The following FAM81A variants were observed in gnomAD, a reference collection of about 807,000 sequenced individuals.
FAM81A encodes family with sequence similarity 81 member A, also known as protein FAM81A.
FAM81A carries 19 observed loss-of-function variants against 46.7 expected under a neutral mutation model. The observed-to-expected ratio is 0.41, with a 90% CI of 0.28 to 0.60. The LOEUF is 0.60. Ranked by LOEUF, FAM81A falls within the 20% of genes least tolerant of loss-of-function variation. The probability of loss-of-function intolerance (pLI) is 0.34; values close to 1 mark genes in which losing one functional copy is unlikely to be tolerated. For synonymous variants in FAM81A, 183 were observed against 152.9 expected (o/e 1.20, Z -1.45); for missense variants, 377 against 453.5 (o/e 0.83, Z 1.53).
At chr15:59,500,675 C>G (rs911974921) in intron 4 of FAM81A, among the ~76,000 whole-genome samples, 3 of 150,788 alleles carry the variant, frequency 2.0e-5, no homozygotes, top group Non-Finnish European at 3.0e-5. Flanking sequence ...TTTGGAGACT[C>G]TCTTCATTTT....
chr15:59,515,981 A>G (rs1302698654), intron 7 of FAM81A, among the ~76,000 whole-genome samples: 1 of 152,206 alleles, frequency 6.6e-6, no homozygotes, highest in African/African-American at 2.4e-5. Context: ...TCATAATTCA[A>G]TATAGCTGCT....
chr15:59,492,086 T>G (rs1304016005), intron 3 of FAM81A, among the ~76,000 whole-genome samples, 185 bp from the exon 4 acceptor site: 5 of 152,232 alleles, frequency 3.3e-5, no homozygotes, highest in African/African-American at 1.2e-4. Context: ...GGGAGGAGCC[T>G]CTAAGGTCTC....
At position 59,448,069 on chromosome 15, in the gene FAM81A, T is replaced by C. The variant is rs371369021; in HGVS notation, c.-78+9787T>C. On this transcript the variant is annotated intron_variant, in intron 1 of 8. Coordinates refer to ENST00000288228, the MANE Select transcript of FAM81A (RefSeq NM_152450.3). Reference sequence around the variant, plus strand: ...GTAATGGTGGCAGTGGTAGTGGTAGTAGATAACTTCAACATTTGCAGGGTT... The same window carrying C: ...GTAATGGTGGCAGTGGTAGTGGTAGCAGATAACTTCAACATTTGCAGGGTT... 5.3e-5 allele frequency among the ~76,000 whole-genome samples: 8 copies of C among 152,206 alleles called. No individual in the cohort carries two copies. In the East Asian group the frequency reaches 1.5e-3, roughly 29 times the overall value.
intron 3 of FAM81A, among the ~76,000 whole-genome samples, chr15:59,474,433 A>G (rs1485393986): frequency 6.6e-6 from 1 of 152,212 alleles, no homozygotes; most frequent in Non-Finnish European, 1.5e-5. Flanking sequence ...TGGAAGGGCA[A>G]GAATGATGAA....
intron 4 of FAM81A, among the ~76,000 whole-genome samples, chr15:59,506,337 C>T (rs2082148569): frequency 2.0e-5 from 3 of 152,066 alleles, no homozygotes; most frequent in African/African-American, 7.2e-5. Context: ...AGAGTTGGTG[C>T]AGTAGCAGGA....
chr15:59,438,106 C>T (rs1323823263), upstream of FAM81A: 1 of 146,366 alleles, frequency 6.8e-6, no homozygotes, highest in Non-Finnish European at 1.5e-5. Flanking sequence ...CCCCCGGGAG[C>T]CGCGAACCCG....
chr15:59,477,580 T>C (rs1176976029), intron 3 of FAM81A, among the ~76,000 whole-genome samples: 3 of 152,344 alleles, frequency 2.0e-5, no homozygotes, highest in African/African-American at 4.8e-5. Flanking sequence ...AAGTAAAATA[T>C]GTTTTCAAAC....
intron 3 of FAM81A, among the ~76,000 whole-genome samples, chr15:59,487,952 A>C (rs1260405933): frequency 2.6e-4 from 40 of 151,492 alleles, no homozygotes; most frequent in African/African-American, 9.5e-4. Context: ...ACAAAAACAA[A>C]AACAACAACA....
intron 6 of FAM81A, among the ~76,000 whole-genome samples, chr15:59,513,445 C>G (rs570103637): frequency 3.3e-5 from 5 of 152,296 alleles, no homozygotes; most frequent in East Asian, 3.9e-4. Context: ...GCTGGCCCAG[C>G]TCTGTGTCGC....
In FAM81A at chr15:59,521,623, TG is replaced by T. The variant is rs779811470; in HGVS notation, c.*247del. ...TAAATTCAATGGAAATCCCCCGCCC[TG>T]GATTTTGAAAGGCTTTTATCTTCTT... is the stretch of plus-strand genomic sequence containing the variant. On this transcript the variant is annotated 3_prime_UTR_variant, in exon 9 of 9. Coordinates refer to ENST00000288228, the MANE Select transcript of FAM81A (RefSeq NM_152450.3). 151 of 364,752 alleles carry T rather than the reference TG, an allele frequency of 4.1e-4. 1 individual carries two copies. Among genetic ancestry groups the T allele is most frequent in the Non-Finnish European group, 6.7e-4 (142 of 212,750 alleles). The allele number at this position is 364,752 out of a possible 1,614,324, so 22.6% of individuals were successfully genotyped here.
chr15:59,491,944 C>T (rs550669823), intron 3 of FAM81A, among the ~76,000 whole-genome samples: 34 of 148,036 alleles, frequency 2.3e-4, no homozygotes, highest in African/African-American at 8.3e-4. Flanking sequence ...CCAGCCTGGG[C>T]AACAGAGCAA....
chr15:59,468,617 T>C lies in FAM81A; in HGVS notation c.294+8411T>C, dbSNP rs184293798. On this transcript the variant is annotated intron_variant, in intron 3 of 8. Coordinates refer to ENST00000288228, the MANE Select transcript of FAM81A (RefSeq NM_152450.3). ...TCTCTCTTTTCTTCTTTATTAGTCT[T>C]GCTAGCAGTCTATCAATTTTGTTGA... 1.4e-4 allele frequency among the ~76,000 whole-genome samples: 22 copies of C among 151,976 alleles called. 1 individual carries two copies. In the East Asian group the frequency reaches 3.7e-3, roughly 25 times the overall value.
chr15:59,445,345 C>T (rs1411672606), intron 1 of FAM81A: 1 of 152,118 alleles, frequency 6.6e-6, no homozygotes, highest in African/African-American at 2.4e-5. Context: ...GGGTTGCTTT[C>T]GCATTATGGA....
chr15:59,519,626 T>C (rs2082307310), intron 8 of FAM81A, among the ~76,000 whole-genome samples: 1 of 151,498 alleles, frequency 6.6e-6, no homozygotes, highest in Non-Finnish European at 1.5e-5. Flanking sequence ...TCCTTCCTTT[T>C]CTTTTTTTAG....
chr15:59,467,305 C>T (rs1327122024), intron 3 of FAM81A, among the ~76,000 whole-genome samples: 12 of 152,114 alleles, frequency 7.9e-5, no homozygotes, highest in Non-Finnish European at 1.2e-4. Flanking sequence ...AGCAGTATGG[C>T]CATTTTCACG....
chr15:59,425,209 C>T (rs2081189986), intron 2 of FAM81A, among the ~76,000 whole-genome samples: 1 of 152,146 alleles, frequency 6.6e-6, no homozygotes, highest in Admixed American at 6.5e-5. Context: ...CACGCAATGA[C>T]TACAGTGTCC....
At chr15:59,426,516 G>A (rs1349572895) in intron 2 of FAM81A, among the ~76,000 whole-genome samples, 4 of 152,216 alleles carry the variant, frequency 2.6e-5, no homozygotes, top group Non-Finnish European at 5.9e-5. Context: ...GGAGGCTGAG[G>A]CAGGAGAATC....
chr15:59,441,117 T>A (rs2081292765), intron 1 of FAM81A, among the ~76,000 whole-genome samples: 2 of 152,244 alleles, frequency 1.3e-5, no homozygotes, highest in Non-Finnish European at 2.9e-5. Context: ...CCAAGGTTAA[T>A]CCACATGCAA....
At chr15:59,507,121 G>T (rs892323761) in intron 4 of FAM81A, 92 bp from the exon 5 acceptor site, 8 of 1,459,460 alleles carry the variant, frequency 5.5e-6, no homozygotes, top group Non-Finnish European at 7.3e-6. Flanking sequence ...CACTTTCTTT[G>T]AGTGGGTTTT....
Sources: gnomAD v4.1 joint callset for allele counts (sites outside exome capture counted in the v4.1 genomes callset) on GRCh38, gnomAD v4.1.1 for gene constraint, MANE v1.5 for transcripts, NCBI Gene and HGNC (gene_info 2026-07-23, HGNC 2026-07-21) for gene names.